The following AGO2 variants were observed in gnomAD, a reference collection of about 807,000 sequenced individuals.
AGO2 encodes the protein argonaute RISC catalytic component 2, also known as protein argonaute-2.
In AGO2, 5 loss-of-function variants were observed where a neutral mutation model predicts 102.3. The ratio of observed to expected loss-of-function variants is 0.05; its 90% confidence interval spans 0.03 to 0.10. AGO2 has a LOEUF of 0.10. Ranked by LOEUF, AGO2 falls within the 10% of genes least tolerant of loss-of-function variation. AGO2 has a pLI of 1.00. For synonymous variants in AGO2, 449 were observed against 473.1 expected (o/e 0.95, Z 0.66); for missense variants, 541 against 1,183.7 (o/e 0.46, Z 7.97).
chr8:140,553,323 G>A (rs559375123), intron 10 of AGO2, among the ~76,000 whole-genome samples: 1 of 152,158 alleles, frequency 6.6e-6, no homozygotes, highest in South Asian at 2.1e-4. Flanking sequence ...GGTCAGGGCT[G>A]TAGTGAGCTA....
rs919219015 is a variant in AGO2 at position 140,523,006 on chromosome 8, A to G, written c.*9038T>C. On this transcript the variant is annotated 3_prime_UTR_variant, in exon 19 of 19. Transcript: ENST00000220592. ...ATGAAGCCTCAGAATTGTATTTAGC[A>G]GGTACTATAATTTTATAATTAATTT... 3.3e-5 allele frequency: 5 copies of G among 152,250 alleles called. No homozygotes were observed. Among genetic ancestry groups the G allele is most frequent in the Non-Finnish European group, 7.3e-5 (5 of 68,048 alleles). The allele number at this position is 152,250 out of a possible 1,614,324, so 9.4% of individuals were successfully genotyped here. A position where few individuals can be genotyped will look rare whatever the true frequency, so the allele number is the denominator to read the frequency against.
chr8:140,585,029 T>G, intron 2 of AGO2, 90 bp downstream of exon 2: 1 of 1,305,726 alleles, frequency 7.7e-7, no homozygotes, highest in Non-Finnish European at 1.0e-6. Flanking sequence ...CCCAGATGGA[T>G]CTGCTGAGAA....
chr8:140,570,172 G>A (rs751815374), intron 3 of AGO2, among the ~76,000 whole-genome samples: 4 of 152,218 alleles, frequency 2.6e-5, no homozygotes, highest in African/African-American at 7.2e-5. Context: ...CATGCTAACC[G>A]AACACAGTGG....
chr8:140,551,734 G>A lies in AGO2; in HGVS notation c.1270-298C>T, dbSNP rs1020479186. On this transcript the variant is annotated intron_variant, in intron 10 of 18. Transcript: ENST00000220592. ...TTGATGGGTGGGTGGATGGTTGATCGGTGGATAAGGTAGGTGGGTGGTCCG... is the reference window on the plus strand; with the variant it reads ...TTGATGGGTGGGTGGATGGTTGATCAGTGGATAAGGTAGGTGGGTGGTCCG... Among the ~76,000 whole-genome samples, 12 of 151,586 alleles carry A rather than the reference G, an allele frequency of 7.9e-5. No homozygotes were observed. The East Asian group carries it at 2.1e-3, about 27-fold the overall frequency.
At position 140,607,493 on chromosome 8, in the gene AGO2, TATATATATATATATATATATATACAC is replaced by T. The variant is rs1159046374; in HGVS notation, c.23-22208_23-22183del. Among the ~76,000 whole-genome samples, 50 of 11,324 alleles carry T rather than the reference TATATATATATATATATATATATACAC, an allele frequency of 4.4e-3. 1 individual carries two copies. Among genetic ancestry groups the T allele is most frequent in the African/African-American group, 0.016 (48 of 3,046 alleles). 7.4% of individuals were successfully genotyped at this position (11,324 alleles called of 152,430 possible). ...ATATATATATATATATATATATATA[TATATATATATATATATATATATACAC>T]ACACACACACGTATGGAAAAAAACA... is the stretch of plus-strand genomic sequence containing the variant. On this transcript the variant is annotated intron_variant, in intron 1 of 18. Transcript: ENST00000220592.
chr8:140,613,883 TG>T (rs2074109728), intron 1 of AGO2, among the ~76,000 whole-genome samples: 1 of 152,000 alleles, frequency 6.6e-6, no homozygotes, highest in East Asian at 1.9e-4. Context: ...CCGGATGTAG[TG>T]GTGCATGCCT....
At position 140,595,807 on chromosome 8, in the gene AGO2, TTG is replaced by T. The variant is rs1236269742; in HGVS notation, c.23-10498_23-10497del. The stretch of plus-strand genomic sequence containing the variant: ...GTATATACAATTATATTATATACAA[TTG>T]TATATATTATATTTATATTATATAC... On this transcript the variant is annotated intron_variant, in intron 1 of 18. Transcript: ENST00000220592. 8.7e-4 allele frequency among the ~76,000 whole-genome samples: 36 copies of T among 41,572 alleles called. 2 individuals carry two copies. The highest frequency in any genetic ancestry group is 1.3e-3 in the Non-Finnish European group (22 of 16,360). 27.3% of individuals were successfully genotyped at this position (41,572 alleles called of 152,430 possible). A position where few individuals can be genotyped will look rare whatever the true frequency, so the allele number is the denominator to read the frequency against.
At chr8:140,562,339 A>C in intron 4 of AGO2, 114 bp downstream of exon 4, 6 of 1,300,556 alleles carry the variant, frequency 4.6e-6, no homozygotes, top group Non-Finnish European at 6.2e-6. Context: ...CCACGTGACC[A>C]CTCCCACCCT....
At position 140,551,420 on chromosome 8, in the gene AGO2, G is replaced by A. The variant is rs1239799847; in HGVS notation, c.1286C>T (p.Thr429Ile). 6.3e-7 allele frequency: 1 copy of A among 1,577,838 alleles called. No homozygotes were observed. The highest frequency in any genetic ancestry group is 8.6e-7 in the Non-Finnish European group (1 of 1,157,048). Residue 429 changes from threonine to isoleucine, a missense_variant, in exon 11 of 19, where the codon ACC becomes ATC. Coordinates refer to ENST00000220592, the MANE Select transcript of AGO2 (RefSeq NM_012154.5). ...CATGTCCCAGACGCCCTGGACAGGGGTCGCAATAGCTTTATTCTGCAAATG... is the reference window on the plus strand; with the variant it reads ...CATGTCCCAGACGCCCTGGACAGGGATCGCAATAGCTTTATTCTGCAAATG... ...LYGGRNKAIA[T>I]PVQGVWDMRN... is the part of the protein sequence containing the mutation.
chr8:140,545,420 C>T (rs1390569208), intron 13 of AGO2, among the ~76,000 whole-genome samples: 3 of 152,156 alleles, frequency 2.0e-5, no homozygotes, highest in African/African-American at 7.2e-5. Context: ...CAGCCTCTCC[C>T]ATCTCCGCTG....
intron 1 of AGO2, among the ~76,000 whole-genome samples, chr8:140,625,485 C>T (rs2074264408): frequency 6.6e-6 from 1 of 152,176 alleles, no homozygotes; most frequent in East Asian, 1.9e-4. Context: ...TGACCCTGCT[C>T]AACCATGGTC....
chr8:140,572,852 T>C lies in AGO2; in HGVS notation c.296A>G (p.Asn99Ser). 6.2e-7 allele frequency: 1 copy of C among 1,614,110 alleles called. No individual in the cohort carries two copies. The highest frequency in any genetic ancestry group is 8.5e-7 in the Non-Finnish European group (1 of 1,180,012). The change falls in exon 3 of 19, where the codon AAT (asparagine) becomes AGT (serine). Residue 99 changes from asparagine to serine, a missense_variant. Around this residue, in one of 6 missense-constraint regions of AGO2, gnomAD observed 147 missense variants for 204.1 expected, o/e 0.72. Transcript: ENST00000220592. ...CGGAAGGGGCATGGCTGTGTATAGA[T>C]TCTTCCTGCCGTCAAACACGGGCTT... ...DRKPVFDGRKNLYTAMPLPIG... is the reference protein window; with the variant it reads ...DRKPVFDGRKSLYTAMPLPIG...
intron 1 of AGO2, chr8:140,605,950 T>C (rs1206588102): frequency 1.3e-5 from 2 of 152,206 alleles, no homozygotes; most frequent in Non-Finnish European, 2.9e-5. Context: ...AACCGCTTTA[T>C]TTTCCGCACT....
intron 1 of AGO2, among the ~76,000 whole-genome samples, chr8:140,612,128 C>A (rs2074085663): frequency 1.3e-5 from 2 of 148,194 alleles, no homozygotes; most frequent in South Asian, 4.3e-4. Flanking sequence ...GAGGCTGAGG[C>A]AGGAGAATCG....
Position 140,567,550 on chromosome 8 carries a change from C to T in AGO2, c.337-4916G>A, listed in dbSNP as rs1405073819. Among the ~76,000 whole-genome samples, 1 of 152,248 alleles carries T rather than the reference C, an allele frequency of 6.6e-6. No homozygotes were observed. The highest frequency in any genetic ancestry group is 1.5e-5 in the Non-Finnish European group (1 of 68,038). On this transcript the variant is annotated intron_variant, in intron 3 of 18. Transcript: ENST00000220592. The surrounding 1 kb of genome is among the most constrained non-coding windows in gnomAD (Gnocchi z 5.0). ...GGGACAAGCAGGTGGCCCCGCCCAC[C>T]TCACAGGGCACTGGTGCCAATTGTG... is the stretch of plus-strand genomic sequence containing the variant.
chr8:140,545,493 C>T (rs1197179957), intron 13 of AGO2, among the ~76,000 whole-genome samples: 1 of 152,140 alleles, frequency 6.6e-6, no homozygotes, highest in Non-Finnish European at 1.5e-5. Context: ...CTTGGAATAC[C>T]ACCTGTCTGC....
chr8:140,633,699 G>T (rs1205845315), intron 1 of AGO2, among the ~76,000 whole-genome samples: 1 of 152,164 alleles, frequency 6.6e-6, no homozygotes. Context: ...TGGGTTATAG[G>T]GCTTGAAAGG....
At chr8:140,564,299 T>A (rs1475539872) in intron 3 of AGO2, among the ~76,000 whole-genome samples, 1 of 36,444 alleles carries the variant, frequency 2.7e-5, no homozygotes, top group African/African-American at 1.1e-4. Context: ...GGGGTGGCGG[T>A]GGGGGGACGC....
At chr8:140,583,831 T>C (rs896154940) in intron 2 of AGO2, among the ~76,000 whole-genome samples, 2 of 152,114 alleles carry the variant, frequency 1.3e-5, no homozygotes, top group Non-Finnish European at 2.9e-5. Flanking sequence ...ACTGAGTTCA[T>C]GCCACTGGAC....
Sources: allele counts gnomAD v4.1 joint callset (sites outside exome capture counted in the v4.1 genomes callset), GRCh38; gene constraint gnomAD v4.1.1; regional missense constraint gnomAD v4.1.1; non-coding constraint Gnocchi (gnomAD v3.1); transcripts MANE v1.5; gene names NCBI Gene and HGNC (gene_info 2026-07-23, HGNC 2026-07-21).